Variants in SYNJ1 observed in about 807,000 individuals in gnomAD.
The protein encoded by SYNJ1 is polyphosphatidylinositol phosphatase SYNJ1.
Under a neutral mutation model 168.2 loss-of-function variants are expected in SYNJ1, and 78 were observed. The ratio of observed to expected loss-of-function variants is 0.46; its 90% confidence interval spans 0.39 to 0.56. SYNJ1 has a LOEUF of 0.56. Among genes scored for constraint, SYNJ1 ranks in the 20% least tolerant of loss-of-function variants. SYNJ1 has a pLI of 0.00. For synonymous variants in SYNJ1, 539 were observed against 548.6 expected (o/e 0.98, Z 0.24); for missense variants, 1,303 against 1,597.6 (o/e 0.82, Z 3.14).
At chr21:32,637,226 A>T (rs950962503) in intron 31 of SYNJ1, among the ~76,000 whole-genome samples, 1 of 152,126 alleles carries the variant, frequency 6.6e-6, no homozygotes, top group African/African-American at 2.4e-5. Flanking sequence ...GAAAGCTCAG[A>T]GTGGCTAGTT....
chr21:32,690,492 A>T (rs192617784), intron 6 of SYNJ1, among the ~76,000 whole-genome samples: 1 of 152,314 alleles, frequency 6.6e-6, no homozygotes, highest in East Asian at 1.9e-4. Context: ...TTATTACTCA[A>T]TGTTGAAAGA....
rs778857661 is a variant in SYNJ1, at chr21:32,657,041, C to A, written c.2541G>T (p.Leu847=). The change falls in exon 20 of 33, where the codon CTG becomes CTT. Residue 847 remains leucine, a synonymous_variant. Transcript: ENST00000674351. ...TCTTCAGCTCAGCTCTTCCATAGTG[C>A]AGCAAAGTGCCTGGAGTCCACGTGT... ...ILYTWTPGTL[L]HYGRAELKTS... is the part of the protein sequence containing the mutation. The A allele has an allele frequency of 5.9e-5, 96 of 1,614,064 alleles. No individual in the cohort carries two copies. The highest frequency in any genetic ancestry group is 1.1e-5 in the Non-Finnish European group (13 of 1,180,038).
intron 2 of SYNJ1, among the ~76,000 whole-genome samples, chr21:32,709,477 CAAAAAA>C (rs35527256): frequency 2.5e-5 from 1 of 39,430 alleles, no homozygotes; most frequent in African/African-American, 9.1e-5. Flanking sequence ...GACTCTGTCT[CAAAAAA>C]AAAAAAAAAA....
At chr21:32,724,125 A>C (rs1331288546) in intron 2 of SYNJ1, among the ~76,000 whole-genome samples, 1 of 152,204 alleles carries the variant, frequency 6.6e-6, no homozygotes, top group Admixed American at 6.5e-5. Flanking sequence ...AACACTGGAC[A>C]AATGACAGGT....
At chr21:32,685,210 C>T (rs1407337795) in intron 9 of SYNJ1, among the ~76,000 whole-genome samples, 1 of 148,202 alleles carries the variant, frequency 6.7e-6, no homozygotes, top group Non-Finnish European at 1.5e-5. Flanking sequence ...GACTTAAGTA[C>T]ACTGCCTGCT....
At position 32,699,883 on chromosome 21, in the gene SYNJ1, G is replaced by A. The variant is rs111886678; in HGVS notation, c.434C>T (p.Ala145Val). The change falls in exon 4 of 33, where the codon GCG (alanine) becomes GTG (valine). Residue 145 changes from alanine (A) to valine (V), a missense_variant. Ala to Val is a moderately conservative substitution (Grantham distance 64). This residue lies in a region of SYNJ1 where 920 missense variants were observed against 1,208.8 expected (regional missense o/e 0.76). Transcript: ENST00000674351. Reference sequence around the variant, plus strand: ...TGTCTGTTCTTGCATGCTACGATGCGCATTAAGACTCAAATCTAAACTGAT... The same window carrying A: ...TGTCTGTTCTTGCATGCTACGATGCACATTAAGACTCAAATCTAAACTGAT... ...SGISLDLSLN[A>V]HRSMQEQTTD... 6.2e-6 allele frequency: 10 copies of A among 1,614,060 alleles called. No individual in the cohort carries two copies. The highest frequency in any genetic ancestry group is 5.0e-5 in the Admixed American group (3 of 60,010).
At chr21:32,678,852 G>C (rs1352309400) in intron 11 of SYNJ1, 51 bp from the exon 12 acceptor site, 2 of 1,569,654 alleles carry the variant, frequency 1.3e-6, no homozygotes, top group Non-Finnish European at 1.7e-6. Flanking sequence ...AAATATTACT[G>C]ATTTTACTCA....
rs780910443 is a variant in SYNJ1 at position 32,631,597 on chromosome 21, G to A, written c.*208C>T. 1 of 1,605,172 alleles carries A rather than the reference G, an allele frequency of 6.2e-7. No individual in the cohort carries two copies. The highest frequency in any genetic ancestry group is 8.5e-7 in the Non-Finnish European group (1 of 1,178,128). On this transcript the variant is annotated 3_prime_UTR_variant, in exon 33 of 33. Coordinates refer to ENST00000674351, the MANE Select transcript of SYNJ1 (RefSeq NM_203446.3). ...CGAGCTGGAATTGGAGGCATTGTTG[G>A]CATGCAACTTACAGAACTCAAAACA...
chr21:32,664,904 T>C lies in SYNJ1; in HGVS notation c.2304+9A>G, dbSNP rs1569062470. The C allele has an allele frequency of 1.9e-6, 3 of 1,572,732 alleles. No individual in the cohort carries two copies. The highest frequency in any genetic ancestry group is 2.7e-5 in the African/African-American group (2 of 73,472). On this transcript the variant is annotated intron_variant, in intron 18 of 32. Coordinates refer to ENST00000674351, the MANE Select transcript of SYNJ1 (RefSeq NM_203446.3). The stretch of plus-strand genomic sequence containing the variant: ...CTTAATGCAAGTATTTTCTCAAGTA[T>C]AGATATACCTGTCCAGCATTTTTCT...
rs766117241 is a variant in SYNJ1 at position 32,657,825 on chromosome 21, A to G, written c.2352T>C (p.Tyr784=). The change falls in exon 19 of 33, where the codon TAT becomes TAC. Residue 784 remains tyrosine, a synonymous_variant. Transcript: ENST00000674351. ...LEGKVTFAPT[Y]KYDLFSDDYD... is the part of the protein sequence containing the mutation. ...AGTCGTCAGAAAACAAGTCATACTT[A>G]TATGTCGGAGCAAAGGTTACCTTTC... is the stretch of plus-strand genomic sequence containing the variant. The G allele has an allele frequency of 2.3e-5, 37 of 1,614,008 alleles. No homozygotes were observed. The highest frequency in any genetic ancestry group is 2.7e-5 in the Non-Finnish European group (32 of 1,179,992).
chr21:32,646,631 A>G, intron 23 of SYNJ1, 29 bp from the exon 24 acceptor site: 1 of 1,569,532 alleles, frequency 6.4e-7, no homozygotes, highest in Non-Finnish European at 8.8e-7. Context: ...GATCAGAGAT[A>G]ACTCCATTTT....
At chr21:32,726,952 T>C in intron 1 of SYNJ1, 35 bp from the exon 2 acceptor site, 8 of 1,608,110 alleles carry the variant, frequency 5.0e-6, no homozygotes, top group South Asian at 1.1e-5. Flanking sequence ...CAAATGAAGC[T>C]GATGTTTCCT....
At chr21:32,713,880 C>T (rs1296770165) in intron 2 of SYNJ1, among the ~76,000 whole-genome samples, 1 of 152,128 alleles carries the variant, frequency 6.6e-6, no homozygotes, top group Non-Finnish European at 1.5e-5. Flanking sequence ...TAAAACTATT[C>T]CATGATGTAA....
intron 5 of SYNJ1, 54 bp from the exon 6 acceptor site, chr21:32,694,365 T>TA (rs965144645): frequency 3.9e-5 from 54 of 1,373,466 alleles, no homozygotes; most frequent in East Asian, 2.9e-4. Context: ...TTGTTACACT[T>TA]ACATTAGAAA....
intron 18 of SYNJ1, among the ~76,000 whole-genome samples, chr21:32,662,498 C>T (rs1199824145): frequency 6.6e-6 from 1 of 152,130 alleles, no homozygotes; most frequent in Non-Finnish European, 1.5e-5. Flanking sequence ...CCCTCTGTGG[C>T]CTCCCAGGTC....
chr21:32,694,906 C>T (rs2042149043), intron 5 of SYNJ1, 151 bp downstream of exon 5: 1 of 833,406 alleles, frequency 1.2e-6, no homozygotes, highest in Non-Finnish European at 1.7e-6. Flanking sequence ...TTAGGGAAGC[C>T]TTTTTTTAAG....
At chr21:32,646,059 A>C in intron 24 of SYNJ1, 1 of 727,352 alleles carries the variant, frequency 1.4e-6, no homozygotes, top group South Asian at 1.5e-5. Context: ...GATATGCACA[A>C]AGTATTGTTT....
chr21:32,636,270 TAAGATGCTAG>T (rs2039560455), intron 31 of SYNJ1, among the ~76,000 whole-genome samples: 2 of 152,216 alleles, frequency 1.3e-5, no homozygotes, highest in Admixed American at 1.3e-4. Context: ...TAAAGATGAC[TAAGATGCTAG>T]AAGTCAGATA....
intron 29 of SYNJ1, among the ~76,000 whole-genome samples, chr21:32,641,342 A>G (rs1349381867): frequency 1.3e-5 from 2 of 152,216 alleles, no homozygotes; most frequent in Non-Finnish European, 2.9e-5. Context: ...ACCTATGTGT[A>G]TAAGAGAACA....
Sources: gnomAD v4.1 joint callset for allele counts (sites outside exome capture counted in the v4.1 genomes callset) on GRCh38, gnomAD v4.1.1 for gene constraint, gnomAD v4.1.1 regional missense constraint, MANE v1.5 for transcripts, NCBI Gene and HGNC (gene_info 2026-07-23, HGNC 2026-07-21) for gene names.